ZNF37A: variants seen among roughly 807,000 people sequenced by gnomAD.
ZNF37A encodes zinc finger protein 37a (KOX 21).
In ZNF37A, 10 loss-of-function variants were observed where a neutral mutation model predicts 12.3. The ratio of observed to expected loss-of-function variants is 0.82; its 90% confidence interval spans 0.50 to 1.38. The LOEUF is 1.38. ZNF37A is among the 40% of genes most tolerant of loss of function. ZNF37A has a pLI of 0.00. For synonymous variants in ZNF37A, 207 were observed against 223.0 expected (o/e 0.93, Z 0.64); for missense variants, 580 against 651.2 (o/e 0.89, Z 1.19).
intron 7 of ZNF37A, among the ~76,000 whole-genome samples, chr10:38,135,022 T>C (rs1564387140): frequency 6.6e-6 from 1 of 152,238 alleles, no homozygotes; most frequent in Non-Finnish European, 1.5e-5. Context: ...GTAGTTACTA[T>C]AGGGATTACA....
chr10:38,130,078 G>T (rs1403967062), downstream of ZNF37A, among the ~76,000 whole-genome samples: 1 of 152,048 alleles, frequency 6.6e-6, no homozygotes, highest in Non-Finnish European at 1.5e-5. Context: ...TCTACTTTCT[G>T]TCCTTATGGA....
rs889083870 is a variant in ZNF37A at position 38,121,866 on chromosome 10, G to A, written c.*3029G>A. The A allele has an allele frequency of 1.1e-4, 16 of 152,126 alleles. No individual in the cohort carries two copies. The highest frequency in any genetic ancestry group is 3.6e-4 in the African/African-American group (15 of 41,418). The allele number at this position is 152,126 out of a possible 1,614,324, so 9.4% of individuals were successfully genotyped here. A position where few individuals can be genotyped will look rare whatever the true frequency, so the allele number is the denominator to read the frequency against. Reference sequence around the variant, plus strand: ...GTTCCTAAATACTATCCACAAAAAAGGGGAACAGGGATGATTCCTAGTCAG... The same window carrying A: ...GTTCCTAAATACTATCCACAAAAAAAGGGAACAGGGATGATTCCTAGTCAG... On this transcript the variant is annotated 3_prime_UTR_variant, in exon 8 of 8. Coordinates refer to ENST00000685332, the MANE Select transcript of ZNF37A (RefSeq NM_001324250.3).
chr10:38,103,172 G>T (rs568752836), intron 5 of ZNF37A, among the ~76,000 whole-genome samples: 1 of 152,054 alleles, frequency 6.6e-6, no homozygotes, highest in Non-Finnish European at 1.5e-5. Flanking sequence ...TTATTAACTT[G>T]TGGGTATGTT....
intron 5 of ZNF37A, among the ~76,000 whole-genome samples, chr10:38,098,710 A>G (rs1249101495): frequency 6.6e-6 from 1 of 152,218 alleles, no homozygotes. Context: ...TTCAGTGTCT[A>G]TAAAGTTTTA....
intron 7 of ZNF37A, chr10:38,139,669 A>G (rs2070156017): frequency 6.6e-6 from 1 of 152,158 alleles, no homozygotes; most frequent in Admixed American, 6.6e-5. Context: ...CCCAGCTGAC[A>G]TATTTTTCAT....
At chr10:38,113,325 C>T (rs1198277953) in intron 5 of ZNF37A, among the ~76,000 whole-genome samples, 2 of 146,386 alleles carry the variant, frequency 1.4e-5, no homozygotes, top group African/African-American at 5.1e-5. Flanking sequence ...CAATTCTCCT[C>T]CCTCAGCCTC....
intron 7 of ZNF37A, among the ~76,000 whole-genome samples, chr10:38,135,379 C>T (rs757171861): frequency 7.2e-5 from 11 of 152,044 alleles, no homozygotes; most frequent in African/African-American, 1.2e-4. Context: ...AGTGAGACTC[C>T]GTCTCAAAAA....
Position 38,146,117 on chromosome 10 carries a change from C to T in ZNF37A, c.239-615C>T, listed in dbSNP as rs577944097. On this transcript the variant is annotated intron_variant, in intron 7 of 7. Transcript: ENST00000638053. The stretch of plus-strand genomic sequence containing the variant: ...TCTGTCTCAAACAAAAAGAAAGAAA[C>T]AAAATAGCTTGTGAGATACTTTTCT... 9.1e-4 allele frequency among the ~76,000 whole-genome samples: 138 copies of T among 152,172 alleles called. 1 individual carries two copies. The highest frequency in any genetic ancestry group is 3.2e-3 in the African/African-American group (133 of 41,532).
rs1346052417 is a variant in ZNF37A at position 38,117,480 on chromosome 10, T to A, written c.329T>A (p.Ile110Lys). The change falls in exon 8 of 8, where the codon ATA (isoleucine) becomes AAA (lysine). Residue 110 changes from isoleucine (I) to lysine (K), a missense_variant. By Grantham distance (102) the Ile-to-Lys change is moderately radical (BLOSUM62 -3). Transcript: ENST00000685332. ...TGTTTCTGTGATGAAAAGCATGAAATAATTCATTCTGAAGAGGAACCTTCT... is the reference window on the plus strand; with the variant it reads ...TGTTTCTGTGATGAAAAGCATGAAAAAATTCATTCTGAAGAGGAACCTTCT... ...GKCFCDEKHE[I>K]IHSEEEPSEY... The A allele has an allele frequency of 1.2e-6, 2 of 1,611,952 alleles. No homozygotes were observed. Among genetic ancestry groups the A allele is most frequent in the Middle Eastern group, 1.7e-4 (1 of 6,040 alleles).
chr10:38,118,170 C>G lies in ZNF37A; in HGVS notation c.1019C>G (p.Ser340Ter). 6.2e-7 allele frequency: 1 copy of G among 1,614,004 alleles called. No individual in the cohort carries two copies. The highest frequency in any genetic ancestry group is 8.5e-7 in the Non-Finnish European group (1 of 1,179,942). ...HECGKSFSEKSTLTQHQRTHT... is the reference protein window; with the variant it reads ...HECGKSFSEK ...TGTGGGAAATCCTTCAGTGAAAAGT[C>G]AACCCTTACTCAACATCAAAGAACG... The change falls in exon 8 of 8, where the codon TCA (serine) becomes TGA (stop). Residue 340 changes from serine (S) to a stop codon, truncating the protein, a stop_gained. Coordinates refer to ENST00000685332, the MANE Select transcript of ZNF37A (RefSeq NM_001324250.3). LOFTEE classifies it low-confidence loss of function (END_TRUNC).
intron 7 of ZNF37A, chr10:38,139,987 G>C (rs1474186486): frequency 6.6e-6 from 1 of 152,172 alleles, no homozygotes; most frequent in Non-Finnish European, 1.5e-5. Flanking sequence ...GGTAACTGCA[G>C]TTTGATGTTT....
Position 38,115,238 on chromosome 10 carries a change from A to C in ZNF37A, c.186A>C (p.Lys62Asn). The change falls in exon 7 of 8, where the codon AAA becomes AAC. Residue 62 changes from lysine to asparagine, a missense_variant. Transcript: ENST00000685332. Reference sequence around the variant, plus strand: ...CAGAAGTGATTCTCAAGTTGGAGAAAGGCGAGGAGCCATGGATATTAGAGG... The same window carrying C: ...CAGAAGTGATTCTCAAGTTGGAGAACGGCGAGGAGCCATGGATATTAGAGG... ...PKPEVILKLE[K>N]GEEPWILEEK... 6.2e-7 allele frequency: 1 copy of C among 1,613,974 alleles called. No homozygotes were observed. The highest frequency in any genetic ancestry group is 8.5e-7 in the Non-Finnish European group (1 of 1,180,000).
At chr10:38,096,998 C>T (rs796481937) in intron 5 of ZNF37A, among the ~76,000 whole-genome samples, 52 of 152,248 alleles carry the variant, frequency 3.4e-4, no homozygotes, top group African/African-American at 1.1e-3. Context: ...GCCCACAAGC[C>T]TAAAATATTT....
chr10:38,102,802 T>A (rs1281742704), intron 5 of ZNF37A, among the ~76,000 whole-genome samples: 1 of 152,190 alleles, frequency 6.6e-6, no homozygotes, highest in Non-Finnish European at 1.5e-5. Flanking sequence ...CCTTCCTTTT[T>A]GAAAGGTAGT....
rs1187263856 is a variant in ZNF37A, at chr10:38,131,509, T to A, written c.239-15223T>A. Among the ~76,000 whole-genome samples the A allele has an allele frequency of 5.3e-5, 8 of 152,306 alleles. No homozygotes were observed. The East Asian group carries it at 1.5e-3, about 29-fold the overall frequency. ...AAACAATTCACCATATATTTGAAGC[T>A]TTACTTCTGGGATCTCCATTGCATT... On this transcript the variant is annotated intron_variant, in intron 7 of 7. Coordinates refer to the ZNF37A transcript ENST00000638053.
rs71007695 is a variant in ZNF37A at position 38,097,583 on chromosome 10, C to CAAAAAAAAAAAAAAAAAAA, written c.15+964_15+982dup. Among the ~76,000 whole-genome samples, 27 of 61,946 alleles carry CAAAAAAAAAAAAAAAAAAA rather than the reference C, an allele frequency of 4.4e-4. 1 individual carries two copies. The highest frequency in any genetic ancestry group is 4.2e-4 in the Non-Finnish European group (12 of 28,494). 40.6% of individuals were successfully genotyped at this position (61,946 alleles called of 152,430 possible). A position where few individuals can be genotyped will look rare whatever the true frequency, so the allele number is the denominator to read the frequency against. ...TGGGTGACAGAGTGAGACTCTGTCT[C>CAAAAAAAAAAAAAAAAAAA]AAAAAAAAAAAAAAAAAAAAAAAAA... On this transcript the variant is annotated intron_variant, in intron 5 of 7. Coordinates refer to ENST00000685332, the MANE Select transcript of ZNF37A (RefSeq NM_001324250.3).
At chr10:38,135,522 A>G (rs935323260) in intron 7 of ZNF37A, among the ~76,000 whole-genome samples, 6 of 152,274 alleles carry the variant, frequency 3.9e-5, no homozygotes, top group Non-Finnish European at 8.8e-5. Context: ...TTTAAATTCT[A>G]TAGAAAATAG....
chr10:38,147,932 A>C (rs1162378377), exon 8 of ZNF37A: 8 of 152,248 alleles, frequency 5.3e-5, no homozygotes, highest in African/African-American at 1.4e-4. Flanking sequence ...AAATGTGGAA[A>C]ATTGATTTCG....
chr10:38,096,297 T>C (rs1266461031), intron 4 of ZNF37A, among the ~76,000 whole-genome samples: 7 of 152,246 alleles, frequency 4.6e-5, no homozygotes, highest in Admixed American at 2.6e-4. Context: ...TCAGTTTTAA[T>C]GAAAGTATTA....
Sources: allele counts gnomAD v4.1 joint callset (sites outside exome capture counted in the v4.1 genomes callset), GRCh38; gene constraint gnomAD v4.1.1; transcripts MANE v1.5; gene names NCBI Gene and HGNC (gene_info 2026-07-23, HGNC 2026-07-21).